Variants in CRYBG2 observed in about 807,000 individuals in gnomAD.
CRYBG2 encodes beta/gamma crystallin domain-containing protein 2.
Under a neutral mutation model 153.4 loss-of-function variants are expected in CRYBG2, and 106 were observed. The ratio of observed to expected loss-of-function variants is 0.69; its 90% CI spans 0.59 to 0.81. The LOEUF (loss-of-function observed/expected upper bound fraction) is 0.81, where lower values mean the gene tolerates loss of function less well. Ranked by LOEUF, CRYBG2 falls within the 30% of genes least tolerant of loss-of-function variation. The pLI is 0.00. For synonymous variants in CRYBG2, 851 were observed against 877.8 expected, an observed-to-expected ratio of 0.97 and a Z score of 0.54; for missense variants, 1,996 against 2,112.0, an observed-to-expected ratio of 0.95 and a Z score of 1.08.
Position 26,338,444 on chromosome 1 carries a change from G to A in CRYBG2, c.3378C>T (p.Asp1126=). 1.2e-6 allele frequency: 2 copies of A among 1,613,066 alleles called. No homozygotes were observed. The highest frequency in any genetic ancestry group is 1.7e-6 in the Non-Finnish European group (2 of 1,179,504). The part of the protein sequence containing the change: ...WLLYPKPLFE[D]TPYILEPGEY... ...CTCCAGGTTCCAGGATGTAGGGAGT[G>A]TCTTCGAATAATGGTTTGGGGTACA... The change falls in exon 7 of 20, where the codon GAC becomes GAT. Residue 1126 remains aspartate, a synonymous_variant. Coordinates refer to ENST00000308182, the MANE Select transcript of CRYBG2 (RefSeq NM_001039775.4).
At chr1:26,347,691 C>T (rs2074241150) in intron 1 of CRYBG2, among the ~76,000 whole-genome samples, 2 of 151,928 alleles carry the variant, frequency 1.3e-5, no homozygotes, top group Non-Finnish European at 2.9e-5. Context: ...GGGGTTTCGC[C>T]GTGTTAGCCA....
rs1449972150 is a variant in CRYBG2 at position 26,336,830 on chromosome 1, G to A, written c.3911+11C>T. 2 of 1,580,000 alleles carry A rather than the reference G, an allele frequency of 1.3e-6. No homozygotes were observed. Among genetic ancestry groups the A allele is most frequent in the East Asian group, 2.4e-5 (1 of 42,204 alleles). ...CGGGCCCGCCCCGCTCCCGGAGCCC[G>A]GGTCACTTACACGCCGCTGAGCACG... On this transcript the variant is annotated intron_variant, in intron 11 of 19. Transcript: ENST00000308182. This position sits in a 1 kb window ranked among gnomAD's most constrained non-coding sequence, Gnocchi z 4.9.
Position 26,345,537 on chromosome 1 carries a change from A to G in CRYBG2, c.1121T>C (p.Val374Ala), listed in dbSNP as rs754184153. The G allele has an allele frequency of 1.9e-6, 3 of 1,603,280 alleles. No homozygotes were observed. The highest frequency in any genetic ancestry group is 2.6e-6 in the Non-Finnish European group (3 of 1,174,202). ...PGLTHPAKQP[V>A]VPTHPGARLT... ...CCGGGCCCCGGGGTGAGTGGGCACCACAGGCTGCTTTGCAGGGTGAGTTAG... is the reference window on the plus strand; with the variant it reads ...CCGGGCCCCGGGGTGAGTGGGCACCGCAGGCTGCTTTGCAGGGTGAGTTAG... The change falls in exon 2 of 20, where the codon GTG becomes GCG. Residue 374 changes from valine (V) to alanine (A), a missense_variant. Coordinates refer to ENST00000308182, the MANE Select transcript of CRYBG2 (RefSeq NM_001039775.4).
At chr1:26,329,012 G>A in intron 15 of CRYBG2, 139 bp from the exon 16 acceptor site, 1 of 1,075,014 alleles carries the variant, frequency 9.3e-7, no homozygotes, top group Non-Finnish European at 1.3e-6. Context: ...CAGGGCCACT[G>A]ATTCTTGGAC....
At position 26,338,377 on chromosome 1, in the gene CRYBG2, C is replaced by T. The variant is rs769977606; in HGVS notation, c.3445G>A (p.Val1149Met). ...AATCTCATGGGCTTCAGGGAGCCCA[C>T]GCTGGGGTCCGATGTGCCCCAGGCC... is the stretch of plus-strand genomic sequence containing the variant. Reference protein sequence around the residue: ...SEAWGTSDPSVGSLKPMRLGC... With the variant: ...SEAWGTSDPSMGSLKPMRLGC... Residue 1149 changes from valine (V) to methionine (M), a missense_variant, in exon 7 of 20, where the codon GTG becomes ATG. Physicochemically the swap from Val to Met is conservative, Grantham distance 21 (BLOSUM62 1). Transcript: ENST00000308182. 23 of 1,610,858 alleles carry T rather than the reference C, an allele frequency of 1.4e-5. No homozygotes were observed. Among genetic ancestry groups the T allele is most frequent in the South Asian group, 2.2e-5 (2 of 90,588 alleles).
chr1:26,337,308 C>A lies in CRYBG2; in HGVS notation c.3716G>T (p.Trp1239Leu). Residue 1239 changes from tryptophan (W) to leucine (L), a missense_variant, in exon 10 of 20, where the codon TGG becomes TTG. Physicochemically the swap from Trp to Leu is moderately conservative, Grantham distance 61. Transcript: ENST00000308182. ...CTCGTCATAGCCTCCCCAGTGTGACCAGTCTGGGTATTCCCCCTCCTCCAG... is the reference window on the plus strand; with the variant it reads ...CTCGTCATAGCCTCCCCAGTGTGACAAGTCTGGGTATTCCCCCTCCTCCAG... ...YLLEEGEYPD[W>L]SHWGGYDELL... 2 of 1,614,086 alleles carry A rather than the reference C, an allele frequency of 1.2e-6. No homozygotes were observed. Among genetic ancestry groups the A allele is most frequent in the Non-Finnish European group, 8.5e-7 (1 of 1,179,996 alleles).
intron 15 of CRYBG2, among the ~76,000 whole-genome samples, chr1:26,329,314 T>C (rs1467790385): frequency 1.3e-5 from 2 of 150,200 alleles, no homozygotes; most frequent in African/African-American, 4.9e-5. Flanking sequence ...GTAGCTGGGA[T>C]TACAGGCACG....
In CRYBG2 at chr1:26,344,650, C is replaced by A; in HGVS notation, c.2008G>T (p.Ala670Ser). Reference protein sequence around the residue: ...TKEETVQGPIAPATSLPKQDK... With the variant: ...TKEETVQGPISPATSLPKQDK... ...TGTTTGGGGAGTGAGGTGGCAGGAGCAATTGGGCCTTGAACAGTCTCTTCC... is the reference window on the plus strand; with the variant it reads ...TGTTTGGGGAGTGAGGTGGCAGGAGAAATTGGGCCTTGAACAGTCTCTTCC... The change falls in exon 2 of 20, where the codon GCT becomes TCT. Residue 670 changes from alanine (A) to serine (S), a missense_variant. Ala to Ser is a moderately conservative substitution (Grantham distance 99, BLOSUM62 1). Transcript: ENST00000308182. The A allele has an allele frequency of 6.5e-7, 1 of 1,535,192 alleles. No homozygotes were observed. Among genetic ancestry groups the A allele is most frequent in the South Asian group, 1.2e-5 (1 of 83,948 alleles).
At chr1:26,328,971 C>T (rs12057290) in intron 15 of CRYBG2, 98 bp from the exon 16 acceptor site, 745,190 of 1,465,384 alleles carry the variant, frequency 0.51, 194,128 homozygotes, top group African/African-American at 0.65. Context: ...ATCTGTATGT[C>T]AGGCCTTCTT....
chr1:26,337,428 A>G (rs931055333), intron 9 of CRYBG2, 49 bp from the exon 10 acceptor site: 2 of 1,604,040 alleles, frequency 1.2e-6, no homozygotes, highest in African/African-American at 1.3e-5. Flanking sequence ...TAGGAGGCCC[A>G]TGGATGAATG....
chr1:26,333,045 A>AAAAAAAAAAAAAAAAATC (rs2074016334), intron 14 of CRYBG2, among the ~76,000 whole-genome samples: 2 of 138,736 alleles, frequency 1.4e-5, no homozygotes, highest in South Asian at 2.3e-4. Flanking sequence ...AAAAAAAAAA[A>AAAAAAAAAAAAAAAAATC]AGATTTCTAA....
chr1:26,342,153 G>A (rs986032563), intron 5 of CRYBG2, among the ~76,000 whole-genome samples: 17 of 152,164 alleles, frequency 1.1e-4, no homozygotes, highest in African/African-American at 4.1e-4. Context: ...GCTGGCTCCT[G>A]GGGGGCAGGT....
Position 26,345,314 on chromosome 1 carries a change from CTGAACAAACTT to C in CRYBG2, c.1333_1343del (p.Lys445GlufsTer3). Reference sequence around the variant, plus strand: ...GGAGGACAGGGACATTTTCAGAGTTCTGAACAAACTTATTCCTTGGGGACGATGGAGCAGAA... The same window carrying C: ...GGAGGACAGGGACATTTTCAGAGTTCATTCCTTGGGGACGATGGAGCAGAA... On this transcript the variant is annotated frameshift_variant, in exon 2 of 20. Coordinates refer to ENST00000308182, the MANE Select transcript of CRYBG2 (RefSeq NM_001039775.4). LOFTEE classifies it high-confidence loss of function. 6.2e-7 allele frequency: 1 copy of C among 1,613,636 alleles called. No individual in the cohort carries two copies. The highest frequency in any genetic ancestry group is 2.2e-5 in the East Asian group (1 of 44,880).
intron 6 of CRYBG2, 69 bp downstream of exon 6, chr1:26,339,221 A>T: frequency 6.5e-7 from 1 of 1,546,036 alleles, no homozygotes; most frequent in Non-Finnish European, 8.7e-7. Context: ...GTGTTCTGTC[A>T]CCTCTGTGTC....
intron 17 of CRYBG2, chr1:26,327,025 C>A (rs112873082): frequency 2.2e-5 from 11 of 498,126 alleles, no homozygotes; most frequent in African/African-American, 1.8e-4. Context: ...AGCACAGACT[C>A]AGAAAGCTAA....
chr1:26,336,026 A>G lies in CRYBG2; in HGVS notation c.4184+69T>C. 1 of 1,270,870 alleles carries G rather than the reference A, an allele frequency of 7.9e-7. No homozygotes were observed. The highest frequency in any genetic ancestry group is 1.1e-6 in the Non-Finnish European group (1 of 940,680). 78.7% of individuals were successfully genotyped at this position (1,270,870 alleles called of 1,614,324 possible). ...GTAGCCAAAGGAAGGAAATCATTTG[A>G]AAGACTCTCCTCCTGCAGCCCCGCC... On this transcript the variant is annotated intron_variant, in intron 14 of 19. Transcript: ENST00000308182. The surrounding 1 kb of genome is among the most constrained non-coding windows in gnomAD (Gnocchi z 4.9).
chr1:26,336,831 G>T lies in CRYBG2; in HGVS notation c.3911+10C>A. On this transcript the variant is annotated intron_variant, in intron 11 of 19. Coordinates refer to ENST00000308182, the MANE Select transcript of CRYBG2 (RefSeq NM_001039775.4). The surrounding 1 kb of genome is among the most constrained non-coding windows in gnomAD (Gnocchi z 4.9). The stretch of plus-strand genomic sequence containing the variant: ...GGGCCCGCCCCGCTCCCGGAGCCCG[G>T]GTCACTTACACGCCGCTGAGCACGT... 6.3e-7 allele frequency: 1 copy of T among 1,581,634 alleles called. No individual in the cohort carries two copies. The highest frequency in any genetic ancestry group is 2.4e-5 in the East Asian group (1 of 42,304).
Position 26,343,655 on chromosome 1 carries a change from C to CT in CRYBG2, c.2913+89dup, listed in dbSNP as rs2074160981. The CT allele has an allele frequency of 1.4e-6, 2 of 1,399,178 alleles. No homozygotes were observed. The highest frequency in any genetic ancestry group is 1.9e-6 in the Non-Finnish European group (2 of 1,066,754). 86.7% of individuals were successfully genotyped at this position (1,399,178 alleles called of 1,614,324 possible). A position where few individuals can be genotyped will look rare whatever the true frequency, so the allele number is the denominator to read the frequency against. On this transcript the variant is annotated intron_variant, in intron 2 of 19. Transcript: ENST00000308182. The surrounding 1 kb of genome is among the most constrained non-coding windows in gnomAD (Gnocchi z 4.1). ...AGACAGAAGCCTCTGCCCCCAGACT[C>CT]TGACTCCCAGCACCACTCTCTTCAC... is the stretch of plus-strand genomic sequence containing the variant.
Position 26,338,456 on chromosome 1 carries a change from T to C in CRYBG2, c.3366A>G (p.Pro1122=). 2 of 1,611,492 alleles carry C rather than the reference T, an allele frequency of 1.2e-6. No individual in the cohort carries two copies. The highest frequency in any genetic ancestry group is 1.7e-6 in the Non-Finnish European group (2 of 1,178,834). ...SAGLWLLYPK[P]LFEDTPYILE... ...GGATGTAGGGAGTGTCTTCGAATAA[T>C]GGTTTGGGGTACAGTAGCCACCTAG... The change falls in exon 7 of 20, where the codon CCA becomes CCG. Residue 1122 remains proline, a synonymous_variant. Coordinates refer to ENST00000308182, the MANE Select transcript of CRYBG2 (RefSeq NM_001039775.4).
Sources: gnomAD v4.1 joint callset for allele counts (sites outside exome capture counted in the v4.1 genomes callset) on GRCh38, gnomAD v4.1.1 for gene constraint, Gnocchi (gnomAD v3.1) non-coding constraint, MANE v1.5 for transcripts, NCBI Gene and HGNC (gene_info 2026-07-23, HGNC 2026-07-21) for gene names.